Variants in LIPI observed in about 807,000 individuals in gnomAD.
LIPI encodes lipase I.
In LIPI, 59 loss-of-function variants were observed where a neutral mutation model predicts 50.6. The observed-to-expected ratio is 1.16, with a 90% confidence interval of 0.94 to 1.45. LIPI has a LOEUF of 1.45. Ranked by LOEUF, LIPI falls within the 40% of genes most tolerant of loss-of-function variation. LIPI has a pLI of 0.00. For synonymous variants in LIPI, 203 were observed against 178.2 expected, an observed-to-expected ratio of 1.14 and a Z score of -1.11; for missense variants, 586 against 536.3, an observed-to-expected ratio of 1.09 and a Z score of -0.92.
At chr21:14,155,531 C>G (rs901557438) in intron 7 of LIPI, among the ~76,000 whole-genome samples, 1 of 151,864 alleles carries the variant, frequency 6.6e-6, no homozygotes, top group African/African-American at 2.4e-5. Flanking sequence ...CATAATAAAG[C>G]TGCAAAAGTA....
rs1273102248 is a variant in LIPI at position 14,174,415 on chromosome 21, GGGCTACCA to G, written c.643+7335_643+7342del. The stretch of plus-strand genomic sequence containing the variant: ...AATTATTATAAAGCAAACAGCCATG[GGGCTACCA>G]CACTAATGTAAAGAAATAGCACCTG... On this transcript the variant is annotated intron_variant, in intron 4 of 9. Coordinates refer to ENST00000681601, the MANE Select transcript of LIPI (RefSeq NM_001302998.2). Among the ~76,000 whole-genome samples the G allele has an allele frequency of 2.0e-5, 3 of 152,118 alleles. No homozygotes were observed. The East Asian group carries it at 5.8e-4, about 29-fold the overall frequency.
At chr21:14,168,221 A>G (rs1052192338) in intron 4 of LIPI, among the ~76,000 whole-genome samples, 1 of 152,214 alleles carries the variant, frequency 6.6e-6, no homozygotes, top group African/African-American at 2.4e-5. Flanking sequence ...ATGTGAAAAG[A>G]CCAAATCTAC....
rs745514016 is a variant in LIPI at position 14,162,307 on chromosome 21, C to T, written c.1006+1112G>A. Among the ~76,000 whole-genome samples the T allele has an allele frequency of 2.6e-5, 4 of 151,110 alleles. No homozygotes were observed. The South Asian group carries it at 6.3e-4, about 24-fold the overall frequency. ...GTTCTAGAAATGTGTGAATGGATACCGGGGGGATGGGGTACGTAGTTTTAA... is the reference window on the plus strand; with the variant it reads ...GTTCTAGAAATGTGTGAATGGATACTGGGGGGATGGGGTACGTAGTTTTAA... On this transcript the variant is annotated intron_variant, in intron 7 of 9. Coordinates refer to ENST00000681601, the MANE Select transcript of LIPI (RefSeq NM_001302998.2).
At chr21:14,138,859 T>C (rs889282259) in intron 9 of LIPI, among the ~76,000 whole-genome samples, 1 of 152,134 alleles carries the variant, frequency 6.6e-6, no homozygotes. Context: ...ATAACACTTA[T>C]ATGCCAGGCA....
At chr21:14,171,414 C>T (rs1035776438) in intron 4 of LIPI, among the ~76,000 whole-genome samples, 12 of 150,906 alleles carry the variant, frequency 8.0e-5, no homozygotes, top group Non-Finnish European at 1.8e-4. Flanking sequence ...CCAAGTCAAT[C>T]CTAAGCCAAA....
At chr21:14,187,255 A>G (rs1568876486) in intron 2 of LIPI, among the ~76,000 whole-genome samples, 1 of 152,224 alleles carries the variant, frequency 6.6e-6, no homozygotes, top group African/African-American at 2.4e-5. Context: ...TACTTCCACC[A>G]CACTCTTGGG....
At chr21:14,163,563 A>C (rs780416153) in intron 6 of LIPI, 40 bp from the exon 7 acceptor site, 1 of 955,902 alleles carries the variant, frequency 1.0e-6, no homozygotes, top group South Asian at 1.3e-5. Context: ...TTGGATTTCC[A>C]TCAAATAACA....
At chr21:14,188,561 C>T (rs2019535363) in intron 2 of LIPI, among the ~76,000 whole-genome samples, 1 of 104,538 alleles carries the variant, frequency 9.6e-6, no homozygotes, top group Non-Finnish European at 1.9e-5. Context: ...GAGTGAGAAC[C>T]TGTCTCAAAA....
At chr21:14,184,830 C>T (rs1216604523) in intron 3 of LIPI, among the ~76,000 whole-genome samples, 1 of 152,110 alleles carries the variant, frequency 6.6e-6, no homozygotes, top group Non-Finnish European at 1.5e-5. Flanking sequence ...ATTTCTTGAC[C>T]CTCCTACATT....
intron 1 of LIPI, among the ~76,000 whole-genome samples, chr21:14,197,209 G>A (rs1025136840): frequency 6.6e-6 from 1 of 150,908 alleles, no homozygotes; most frequent in Admixed American, 6.6e-5. Flanking sequence ...ATAACAGAAT[G>A]CTTTTTTATT....
chr21:14,193,764 GA>G lies in LIPI; in HGVS notation c.47-4346del, dbSNP rs376626602. Among the ~76,000 whole-genome samples the G allele has an allele frequency of 9.5e-3, 1,382 of 145,026 alleles. 10 individuals are homozygous for G. Among genetic ancestry groups the G allele is most frequent in the African/African-American group, 0.033 (1,297 of 39,724 alleles). ...AAGAACAGAACCACAGGCGACAACA[GA>G]AAAAAAAAATGAGTAAATTGGACTT... is the stretch of plus-strand genomic sequence containing the variant. On this transcript the variant is annotated intron_variant, in intron 1 of 9. Coordinates refer to ENST00000681601, the MANE Select transcript of LIPI (RefSeq NM_001302998.2).
At chr21:14,133,508 A>C (rs1890361905) in intron 9 of LIPI, among the ~76,000 whole-genome samples, 1 of 152,262 alleles carries the variant, frequency 6.6e-6, no homozygotes. Flanking sequence ...ACAGACTCAC[A>C]GCCAGCATCA....
chr21:14,162,918 T>A (rs1320268585), intron 7 of LIPI, among the ~76,000 whole-genome samples: 1 of 151,808 alleles, frequency 6.6e-6, no homozygotes, highest in East Asian at 1.9e-4. Context: ...TTTGCTTTCT[T>A]TAATACTTCC....
At chr21:14,171,915 C>T (rs2018924110) in intron 4 of LIPI, among the ~76,000 whole-genome samples, 5 of 149,540 alleles carry the variant, frequency 3.3e-5, no homozygotes, top group Admixed American at 1.3e-4. Context: ...AAACTACCAT[C>T]AGAGTGAACA....
At chr21:14,204,541 A>T (rs1253032358) in intron 1 of LIPI, among the ~76,000 whole-genome samples, 6 of 152,038 alleles carry the variant, frequency 3.9e-5, no homozygotes, top group Non-Finnish European at 8.8e-5. Context: ...GTATAAGAAA[A>T]ATAAATGACA....
intron 2 of LIPI, among the ~76,000 whole-genome samples, chr21:14,188,504 G>C (rs947578223): frequency 1.4e-5 from 2 of 144,330 alleles, no homozygotes; most frequent in Admixed American, 1.5e-4. Context: ...GGAGGTGCAG[G>C]CTGCAGTGAG....
At chr21:14,168,970 C>T (rs1465879067) in intron 4 of LIPI, among the ~76,000 whole-genome samples, 1 of 150,974 alleles carries the variant, frequency 6.6e-6, no homozygotes, top group Non-Finnish European at 1.5e-5. Flanking sequence ...GGAAACCCAT[C>T]TCAAGTGCAG....
At chr21:14,159,336 CT>C (rs1307879925) in intron 7 of LIPI, among the ~76,000 whole-genome samples, 5 of 151,402 alleles carry the variant, frequency 3.3e-5, no homozygotes, top group Admixed American at 1.3e-4. Context: ...GAATGCAAAG[CT>C]TGTTCAACAT....
Position 14,134,775 on chromosome 21 carries a change from T to C in LIPI, c.1295+9848A>G, listed in dbSNP as rs898754061. ...GAAACTGGACCCCTGTCTCCCACCA[T>C]ATACAAAGGTTAATTCGAGATAAAT... is the stretch of plus-strand genomic sequence containing the variant. On this transcript the variant is annotated intron_variant, in intron 9 of 9. Transcript: ENST00000681601. Among the ~76,000 whole-genome samples, 3 of 152,160 alleles carry C rather than the reference T, an allele frequency of 2.0e-5. No individual in the cohort carries two copies. In the East Asian group the frequency reaches 5.8e-4, roughly 29 times the overall value.
Sources: gnomAD v4.1 joint callset for allele counts (sites outside exome capture counted in the v4.1 genomes callset) on GRCh38, gnomAD v4.1.1 for gene constraint, MANE v1.5 for transcripts, NCBI Gene and HGNC (gene_info 2026-07-23, HGNC 2026-07-21) for gene names.